BBS9: variants seen among roughly 807,000 people sequenced by gnomAD.
BBS9 encodes Bardet-Biedl syndrome 9.
BBS9 carries 89 observed loss-of-function variants against 117.7 expected under a neutral mutation model. That is an observed-to-expected ratio of 0.76 (90% CI 0.64 to 0.90). The LOEUF (loss-of-function observed/expected upper bound fraction) is 0.90, where lower values mean the gene tolerates loss of function less well. BBS9 is among the 40% of genes least tolerant of loss of function. The pLI is 0.00. For missense variants in BBS9, 982 were observed against 1,042.2 expected, an observed-to-expected ratio of 0.94 and a Z score of 0.80; for synonymous variants, 379 against 370.9, an observed-to-expected ratio of 1.02 and a Z score of -0.25.
At chr7:33,349,203 T>G (rs948923561) in intron 13 of BBS9, 33 bp downstream of exon 13, 1 of 1,488,160 alleles carries the variant, frequency 6.7e-7, no homozygotes, top group Non-Finnish European at 9.4e-7. Context: ...AAGTCTACCA[T>G]GGTGTGAATT....
At chr7:33,344,288 C>A (rs1052412934) in intron 11 of BBS9, among the ~76,000 whole-genome samples, 2 of 151,524 alleles carry the variant, frequency 1.3e-5, no homozygotes, top group Non-Finnish European at 2.9e-5. Flanking sequence ...TCACGGTGGT[C>A]TCGATCTCCT....
intron 4 of BBS9, among the ~76,000 whole-genome samples, chr7:33,166,583 C>T (rs909398519): frequency 2.0e-5 from 3 of 152,264 alleles, no homozygotes; most frequent in Admixed American, 6.5e-5. Flanking sequence ...GCCCCTCCCC[C>T]TGCCAGGCTG....
At chr7:33,332,012 A>G (rs959320034) in intron 9 of BBS9, among the ~76,000 whole-genome samples, 4 of 152,204 alleles carry the variant, frequency 2.6e-5, no homozygotes, top group African/African-American at 4.8e-5. Context: ...CTAAGCAAAA[A>G]GAACAAATCT....
rs567684344 is a variant in BBS9 at position 33,600,467 on chromosome 7, G to A, written c.2522-4398G>A. On this transcript the variant is annotated intron_variant, in intron 21 of 22. Transcript: ENST00000242067. ...GGGTTACAGTGGTATAGAAACTTGT[G>A]TAAGCCTTAGCAAATACCATATCTC... Among the ~76,000 whole-genome samples the A allele has an allele frequency of 7.2e-5, 11 of 152,034 alleles. No homozygotes were observed. In the South Asian group the frequency reaches 2.3e-3, roughly 32 times the overall value.
chr7:33,331,982 C>T (rs1437860389), intron 9 of BBS9, among the ~76,000 whole-genome samples: 4 of 152,132 alleles, frequency 2.6e-5, no homozygotes, highest in African/African-American at 9.7e-5. Context: ...CAAAAAAGAG[C>T]TCGCATAGCC....
chr7:33,634,850 C>T (rs1442386958), intron 21 of BBS9, among the ~76,000 whole-genome samples: 2 of 152,104 alleles, frequency 1.3e-5, no homozygotes, highest in Non-Finnish European at 2.9e-5. Context: ...GGCTAAATGA[C>T]GACATCAAGA....
At chr7:33,392,552 A>C (rs558499377) in intron 19 of BBS9, among the ~76,000 whole-genome samples, 2 of 152,324 alleles carry the variant, frequency 1.3e-5, no homozygotes, top group East Asian at 3.9e-4. Context: ...TGGTCAATTC[A>C]GATCAAAGAG....
At chr7:33,182,223 G>A (rs1448190681) in intron 5 of BBS9, among the ~76,000 whole-genome samples, 1 of 152,112 alleles carries the variant, frequency 6.6e-6, no homozygotes, top group African/African-American at 2.4e-5. Context: ...GACACACCTT[G>A]CATATAAAAC....
At chr7:33,304,342 G>GGCC in intron 9 of BBS9, among the ~76,000 whole-genome samples, 1 of 144,558 alleles carries the variant, frequency 6.9e-6, no homozygotes, top group South Asian at 2.2e-4. Flanking sequence ...ACCTCTGCCC[G>GGCC]GCCACCCCGT....
At chr7:33,324,152 T>C (rs1171416060) in intron 9 of BBS9, among the ~76,000 whole-genome samples, 5 of 152,178 alleles carry the variant, frequency 3.3e-5, no homozygotes, top group African/African-American at 9.7e-5. Context: ...GTCTTCCTTT[T>C]AGTGAAAGTT....
intron 21 of BBS9, among the ~76,000 whole-genome samples, chr7:33,616,924 A>G (rs1031997726): frequency 6.6e-6 from 1 of 151,856 alleles, no homozygotes; most frequent in African/African-American, 2.4e-5. Context: ...ATGTGTACAC[A>G]TATTTGGCTT....
chr7:33,544,051 G>T (rs1022238555), intron 21 of BBS9, among the ~76,000 whole-genome samples: 1 of 152,014 alleles, frequency 6.6e-6, no homozygotes, highest in Non-Finnish European at 1.5e-5. Flanking sequence ...TTGAATTTTT[G>T]ATTGTTTTTT....
At chr7:33,277,940 G>T (rs1055533873) in intron 9 of BBS9, among the ~76,000 whole-genome samples, 1 of 152,124 alleles carries the variant, frequency 6.6e-6, no homozygotes, top group Non-Finnish European at 1.5e-5. Flanking sequence ...CAAAATTCAG[G>T]CTACTCTATC....
At chr7:33,340,083 A>G (rs893716952) in intron 10 of BBS9, among the ~76,000 whole-genome samples, 2 of 151,992 alleles carry the variant, frequency 1.3e-5, no homozygotes, top group Non-Finnish European at 2.9e-5. Context: ...GTTTAAAATT[A>G]TGAAAATAAC....
chr7:33,324,773 C>A (rs1027489982), intron 9 of BBS9, among the ~76,000 whole-genome samples: 1 of 151,338 alleles, frequency 6.6e-6, no homozygotes, highest in Non-Finnish European at 1.5e-5. Context: ...TCTTTTTTTT[C>A]TTTCAGTGCT....
chr7:33,541,641 A>G (rs1282729599), intron 21 of BBS9, among the ~76,000 whole-genome samples: 1 of 152,250 alleles, frequency 6.6e-6, no homozygotes, highest in Admixed American at 6.5e-5. Flanking sequence ...GTTCTAGTAC[A>G]TACTACAACA....
chr7:33,283,801 T>TGG (rs1235618526), intron 9 of BBS9, among the ~76,000 whole-genome samples: 1 of 152,156 alleles, frequency 6.6e-6, no homozygotes, highest in Non-Finnish European at 1.5e-5. Context: ...AAGGATTGTG[T>TGG]GGGGAGTTTT....
chr7:33,536,071 A>C (rs537128170), intron 21 of BBS9, among the ~76,000 whole-genome samples: 4 of 152,080 alleles, frequency 2.6e-5, no homozygotes, highest in Middle Eastern at 6.9e-3. Context: ...TAAAGGACAG[A>C]GAAAGAAGGA....
chr7:33,422,213 T>G (rs913229154), intron 19 of BBS9, among the ~76,000 whole-genome samples: 2 of 152,208 alleles, frequency 1.3e-5, no homozygotes, highest in African/African-American at 4.8e-5. Flanking sequence ...TATGTTTGTA[T>G]GGTATGCTCC....
Sources: allele counts gnomAD v4.1 joint callset (sites outside exome capture counted in the v4.1 genomes callset), GRCh38; gene constraint gnomAD v4.1.1; transcripts MANE v1.5; gene names NCBI Gene and HGNC (gene_info 2026-07-23, HGNC 2026-07-21).